NSMCE2: variants seen among roughly 807,000 people sequenced by gnomAD.
NSMCE2 encodes NSE2 SUMO ligase component of SMC5/6 complex, also known as E3 SUMO-protein ligase NSE2.
Under a neutral mutation model 23.8 loss-of-function variants are expected in NSMCE2, and 24 were observed. The ratio of observed to expected loss-of-function variants is 1.01; its 90% confidence interval spans 0.73 to 1.42. The LOEUF (loss-of-function observed/expected upper bound fraction) is 1.42. NSMCE2 is among the 40% of genes most tolerant of loss of function. NSMCE2 has a pLI of 0.00. For synonymous variants in NSMCE2, 92 were observed against 94.1 expected, an observed-to-expected ratio of 0.98 and a Z score of 0.13; for missense variants, 284 against 296.5, an observed-to-expected ratio of 0.96 and a Z score of 0.31.
At chr8:125,103,632 T>G (rs986532758) in intron 3 of NSMCE2, among the ~76,000 whole-genome samples, 1 of 152,248 alleles carries the variant, frequency 6.6e-6, no homozygotes, top group East Asian at 1.9e-4. Context: ...TGGGTTGATA[T>G]TGTCCCATAA....
At chr8:125,311,183 A>G (rs542348446) in intron 5 of NSMCE2, among the ~76,000 whole-genome samples, 3 of 152,228 alleles carry the variant, frequency 2.0e-5, no homozygotes, top group East Asian at 1.9e-4. Flanking sequence ...TGCACACACA[A>G]CTAGAAGCAG....
chr8:125,251,267 C>A (rs542441026), intron 5 of NSMCE2, among the ~76,000 whole-genome samples: 34 of 152,146 alleles, frequency 2.2e-4, no homozygotes, highest in Admixed American at 2.2e-3. Context: ...AATAAGCAAA[C>A]AAAAATTCCA....
chr8:125,251,380 G>GA (rs1382816850), intron 5 of NSMCE2, among the ~76,000 whole-genome samples: 3 of 152,156 alleles, frequency 2.0e-5, no homozygotes, highest in African/African-American at 7.2e-5. Context: ...TGAAACAATG[G>GA]AAAATTATAT....
intron 7 of NSMCE2, among the ~76,000 whole-genome samples, chr8:125,361,440 A>G (rs1419410132): frequency 6.6e-6 from 1 of 152,212 alleles, no homozygotes; most frequent in Non-Finnish European, 1.5e-5. Context: ...GAGCATGTAG[A>G]ATAAAATGAA....
chr8:125,233,132 A>G (rs1465874019), intron 5 of NSMCE2, among the ~76,000 whole-genome samples: 1 of 152,206 alleles, frequency 6.6e-6, no homozygotes, highest in Non-Finnish European at 1.5e-5. Flanking sequence ...TTATCATGTA[A>G]TAGTGCTAAA....
At chr8:125,309,407 A>G (rs1291436198) in intron 5 of NSMCE2, among the ~76,000 whole-genome samples, 1 of 152,072 alleles carries the variant, frequency 6.6e-6, no homozygotes, top group Non-Finnish European at 1.5e-5. Flanking sequence ...TATTGCCATC[A>G]TTGAGTCACT....
At chr8:125,145,164 A>G (rs982684933) in intron 3 of NSMCE2, among the ~76,000 whole-genome samples, 4 of 152,140 alleles carry the variant, frequency 2.6e-5, no homozygotes, top group Non-Finnish European at 5.9e-5. Flanking sequence ...TGAAATAGAA[A>G]CCATCTTTAA....
chr8:125,283,306 TG>T (rs1362014660), intron 5 of NSMCE2, among the ~76,000 whole-genome samples: 1 of 152,196 alleles, frequency 6.6e-6, no homozygotes, highest in Non-Finnish European at 1.5e-5. Context: ...CCCAGCACTT[TG>T]GGAGGCTTAA....
chr8:125,135,210 G>A (rs575446262), intron 3 of NSMCE2, among the ~76,000 whole-genome samples: 75 of 152,106 alleles, frequency 4.9e-4, no homozygotes, highest in African/African-American at 1.8e-3. Flanking sequence ...AACCTGCTGT[G>A]CCTGGCCTAA....
intron 5 of NSMCE2, 45 bp downstream of exon 5, chr8:125,182,301 G>T (rs1822867518): frequency 6.9e-7 from 1 of 1,454,278 alleles, no homozygotes; most frequent in South Asian, 1.2e-5. Context: ...TGAAATTAGG[G>T]AACTGACTTG....
At chr8:125,242,292 G>A (rs1019074566) in intron 5 of NSMCE2, among the ~76,000 whole-genome samples, 5 of 152,000 alleles carry the variant, frequency 3.3e-5, no homozygotes, top group African/African-American at 9.7e-5. Flanking sequence ...ATTTGATCCC[G>A]TAGAATCAAA....
At chr8:125,245,387 A>C (rs1825915925) in intron 5 of NSMCE2, among the ~76,000 whole-genome samples, 1 of 152,240 alleles carries the variant, frequency 6.6e-6, no homozygotes, top group Non-Finnish European at 1.5e-5. Flanking sequence ...TGAAATAATA[A>C]TTTGAAATTT....
chr8:125,151,446 A>G (rs1821025484), intron 4 of NSMCE2, 169 bp downstream of exon 4: 2 of 435,494 alleles, frequency 4.6e-6, no homozygotes, highest in African/African-American at 2.0e-5. Context: ...AATCCTAAGT[A>G]TTTTCCTGGC....
intron 7 of NSMCE2, among the ~76,000 whole-genome samples, chr8:125,359,738 A>G (rs755497585): frequency 1.3e-5 from 2 of 152,244 alleles, no homozygotes; most frequent in African/African-American, 2.4e-5. Flanking sequence ...AAGTACTTAA[A>G]GTAGCTGGTA....
intron 5 of NSMCE2, among the ~76,000 whole-genome samples, chr8:125,199,921 C>A (rs938770354): frequency 1.3e-5 from 2 of 152,126 alleles, no homozygotes; most frequent in Admixed American, 1.3e-4. Context: ...ATCCCTTTAC[C>A]ATTATGTAAT....
intron 3 of NSMCE2, among the ~76,000 whole-genome samples, chr8:125,129,885 C>G (rs1819678420): frequency 6.6e-6 from 1 of 152,062 alleles, no homozygotes; most frequent in African/African-American, 2.4e-5. Context: ...ACACAGTTCC[C>G]TCAGTTGTTA....
intron 3 of NSMCE2, among the ~76,000 whole-genome samples, chr8:125,110,881 G>T (rs768144938): frequency 6.7e-6 from 1 of 148,466 alleles, no homozygotes; most frequent in Non-Finnish European, 1.5e-5. Flanking sequence ...GTATGGTCAT[G>T]GGGGGAAGGA....
chr8:125,170,139 T>C (rs1822106544), intron 4 of NSMCE2, among the ~76,000 whole-genome samples: 2 of 152,138 alleles, frequency 1.3e-5, no homozygotes, highest in African/African-American at 4.8e-5. Context: ...CTCAGACATA[T>C]AACTGTCTTC....
In NSMCE2 at chr8:125,154,688, A is replaced by G. The variant is rs947795160; in HGVS notation, c.264+3411A>G. Among the ~76,000 whole-genome samples the G allele has an allele frequency of 2.0e-5, 3 of 152,164 alleles. No homozygotes were observed. In the East Asian group the frequency reaches 5.8e-4, roughly 29 times the overall value. ...TGCATTTAGATCCTCAGAGAGTTCT[A>G]TATGAACTTTTTTGATATTTTCAGT... On this transcript the variant is annotated intron_variant, in intron 4 of 7. Transcript: ENST00000287437.
Sources: allele counts gnomAD v4.1 joint callset (sites outside exome capture counted in the v4.1 genomes callset), GRCh38; gene constraint gnomAD v4.1.1; transcripts MANE v1.5; gene names NCBI Gene and HGNC (gene_info 2026-07-23, HGNC 2026-07-21).